The following JADE3 variants were observed in gnomAD, a reference collection of about 807,000 sequenced individuals.
JADE3 encodes protein Jade-3.
A neutral mutation model predicts 50.1 loss-of-function variants in JADE3; 2 were observed. The observed-to-expected ratio is 0.04, with a 90% CI of 0.02 to 0.13. The LOEUF is 0.13. Among genes scored for constraint, JADE3 ranks in the 10% least tolerant of loss-of-function variants. The pLI is 1.00. For missense variants in JADE3, 475 were observed against 634.4 expected (o/e 0.75, Z 2.70); for synonymous variants, 218 against 232.9 (o/e 0.94, Z 0.58).
chrX:46,926,291 C>A (rs1223402166), intron 1 of JADE3, among the ~76,000 whole-genome samples: 9 of 107,642 alleles, frequency 8.4e-5, no homozygotes, highest in African/African-American at 3.1e-4. Context: ...ACTTTGTTGC[C>A]CAAGCTGGAG....
At position 46,959,324 on chromosome X, in the gene JADE3, T is replaced by C. The variant is rs1383674207; in HGVS notation, c.-11-25560T>C. Among the ~76,000 whole-genome samples the C allele has an allele frequency of 1.9e-4, 21 of 112,415 alleles. No homozygotes were observed. In the Admixed American group the frequency reaches 2.0e-3, roughly 11 times the overall value. ...TCTGTCAAAACACTTGGCTGACTTG[T>C]CGACCTAGCTTAGGCCATGTGCCTT... On this transcript the variant is annotated intron_variant, in intron 1 of 10. Transcript: ENST00000614628.
In JADE3 at chrX:46,923,502, T is replaced by G. The variant is rs782632866; in HGVS notation, c.-12+10783T>G. Among the ~76,000 whole-genome samples the G allele has an allele frequency of 4.0e-5, 4 of 99,555 alleles. No homozygotes were observed. The East Asian group carries it at 1.3e-3, about 33-fold the overall frequency. 86.5% of individuals were successfully genotyped at this position (99,555 alleles called of 115,157 possible). On this transcript the variant is annotated intron_variant, in intron 1 of 10. Coordinates refer to ENST00000614628, the MANE Select transcript of JADE3 (RefSeq NM_014735.5). Reference sequence around the variant, plus strand: ...CACTGCAGCCTCAGCCTCTCAACCTTCTGGGCTCAAGCAGTCCTCCAACCT... The same window carrying G: ...CACTGCAGCCTCAGCCTCTCAACCTGCTGGGCTCAAGCAGTCCTCCAACCT...
intron 3 of JADE3, among the ~76,000 whole-genome samples, chrX:46,989,504 A>G (rs1556355395): frequency 8.9e-6 from 1 of 111,733 alleles, no homozygotes; most frequent in African/African-American, 3.3e-5. Context: ...CTTTTCTTTC[A>G]GCACTTGGAA....
At chrX:47,038,722 C>T (rs1929190540) in intron 7 of JADE3, among the ~76,000 whole-genome samples, 1 of 108,998 alleles carries the variant, frequency 9.2e-6, no homozygotes, top group African/African-American at 3.3e-5. Context: ...AGTCTATACT[C>T]CTGCTCTCTC....
intron 1 of JADE3, among the ~76,000 whole-genome samples, chrX:46,971,429 A>G: frequency 9.1e-6 from 1 of 109,811 alleles, no homozygotes; most frequent in Admixed American, 9.7e-5. Context: ...ATTTTTGAAT[A>G]TATGTACATA....
intron 1 of JADE3, among the ~76,000 whole-genome samples, chrX:46,963,686 T>C (rs1421829732): frequency 9.0e-6 from 1 of 111,436 alleles, no homozygotes; most frequent in Non-Finnish European, 1.9e-5. Context: ...GGGGCAGTGG[T>C]AGGAGGTAGG....
chrX:46,999,617 G>T (rs782555645), intron 4 of JADE3, among the ~76,000 whole-genome samples: 1 of 109,212 alleles, frequency 9.2e-6, no homozygotes, highest in South Asian at 3.9e-4. Context: ...ATTACTGAAT[G>T]ATTGAGTTGA....
chrX:46,963,941 A>G (rs1373895340), intron 1 of JADE3, among the ~76,000 whole-genome samples: 1 of 112,183 alleles, frequency 8.9e-6, no homozygotes, highest in African/African-American at 3.3e-5. Context: ...TTTGCTATCT[A>G]TCACACAGAT....
chrX:46,989,306 A>T (rs1391804136), intron 3 of JADE3, among the ~76,000 whole-genome samples: 2 of 111,715 alleles, frequency 1.8e-5, no homozygotes, highest in Non-Finnish European at 3.8e-5. Context: ...ATGCTTCTTT[A>T]TTTCTGATGT....
chrX:46,942,454 T>C (rs1426005344), intron 1 of JADE3, among the ~76,000 whole-genome samples: 3 of 112,267 alleles, frequency 2.7e-5, no homozygotes, highest in Non-Finnish European at 5.6e-5. Flanking sequence ...CACCATTTAT[T>C]GAGTAGGGAG....
intron 8 of JADE3, among the ~76,000 whole-genome samples, chrX:47,040,022 G>A (rs1929222898): frequency 8.9e-6 from 1 of 111,915 alleles, no homozygotes; most frequent in South Asian, 3.7e-4. Flanking sequence ...GGGAGACGTG[G>A]ATGGGATTGG....
intron 1 of JADE3, among the ~76,000 whole-genome samples, chrX:46,935,106 G>A (rs189146827): frequency 2.4e-4 from 26 of 110,339 alleles, no homozygotes; most frequent in African/African-American, 8.6e-4. Context: ...GCTAATTTTT[G>A]TATTTTTAGT....
chrX:46,949,739 GC>G (rs1363668121), intron 1 of JADE3, among the ~76,000 whole-genome samples: 1 of 111,653 alleles, frequency 9.0e-6, no homozygotes, highest in African/African-American at 3.3e-5. Flanking sequence ...TCCCCTCTAA[GC>G]GGAGGTAGCT....
At chrX:46,943,669 GT>G (rs1926817329) in intron 1 of JADE3, among the ~76,000 whole-genome samples, 1 of 111,414 alleles carries the variant, frequency 9.0e-6, no homozygotes, top group Admixed American at 9.5e-5. Context: ...TTGGCCTATA[GT>G]TTTCTTTTGT....
chrX:47,013,057 GC>G lies in JADE3; in HGVS notation c.285-11665del, dbSNP rs782767481. Among the ~76,000 whole-genome samples, 3 of 112,277 alleles carry G rather than the reference GC, an allele frequency of 2.7e-5. No individual in the cohort carries two copies. The South Asian group carries it at 1.1e-3, about 42-fold the overall frequency. ...ACAGCGTCTCGTTCTCTGTTGCCCA[GC>G]CTGGAATGCAGTGGCACAATCATAG... is the stretch of plus-strand genomic sequence containing the variant. On this transcript the variant is annotated intron_variant, in intron 4 of 10. Transcript: ENST00000614628.
intron 4 of JADE3, among the ~76,000 whole-genome samples, chrX:47,008,921 A>G (rs2147142502): frequency 9.0e-6 from 1 of 111,587 alleles, no homozygotes; most frequent in South Asian, 3.8e-4. Context: ...CAAATCATGT[A>G]TATGATGAAT....
At chrX:46,978,107 G>C (rs1477415245) in intron 1 of JADE3, among the ~76,000 whole-genome samples, 1 of 112,069 alleles carries the variant, frequency 8.9e-6, no homozygotes, top group Admixed American at 9.5e-5. Flanking sequence ...GGCTGACCAT[G>C]TAAAGCAGCA....
rs1926218813 is a variant in JADE3 at position 46,921,419 on chromosome X, G to C, written c.-12+8700G>C. ...TTTTCAGAGTTGTAGTGGTGAGAGA[G>C]GACATCCTTAACTTGTTCCAATCTT... is the stretch of plus-strand genomic sequence containing the variant. On this transcript the variant is annotated intron_variant, in intron 1 of 10. Transcript: ENST00000614628. Among the ~76,000 whole-genome samples, 6 of 111,436 alleles carry C rather than the reference G, an allele frequency of 5.4e-5. No individual in the cohort carries two copies. The Admixed American group carries it at 5.7e-4, about 11-fold the overall frequency.
chrX:46,983,334 C>T (rs187219602), intron 1 of JADE3, among the ~76,000 whole-genome samples: 2 of 110,715 alleles, frequency 1.8e-5, no homozygotes, highest in East Asian at 5.7e-4. Context: ...GAGTGTCAGC[C>T]CCAGGTCTCC....
Sources: allele counts gnomAD v4.1 joint callset (sites outside exome capture counted in the v4.1 genomes callset), GRCh38; gene constraint gnomAD v4.1.1; transcripts MANE v1.5; gene names NCBI Gene and HGNC (gene_info 2026-07-23, HGNC 2026-07-21).